The following CAPN14 variants were observed in gnomAD, a reference collection of about 807,000 sequenced individuals.
The protein encoded by CAPN14 is calpain-14.
In CAPN14, 94 loss-of-function variants were observed where a neutral mutation model predicts 101.3. The ratio of observed to expected loss-of-function variants is 0.93; its 90% CI spans 0.79 to 1.10. The LOEUF (loss-of-function observed/expected upper bound fraction) is 1.10, where lower values mean the gene tolerates loss of function less well. CAPN14 is among the 50% of genes least tolerant of loss of function. The probability of loss-of-function intolerance (pLI) is 0.00; values close to 1 mark genes in which losing one functional copy is unlikely to be tolerated. For synonymous variants in CAPN14, 338 were observed against 317.9 expected, an observed-to-expected ratio of 1.06 and a Z score of -0.67; for missense variants, 837 against 828.4, an observed-to-expected ratio of 1.01 and a Z score of -0.13.
chr2:31,177,043 C>G lies in CAPN14; in HGVS notation c.1955G>C (p.Arg652Pro), dbSNP rs375553136. 2 of 1,551,154 alleles carry G rather than the reference C, an allele frequency of 1.3e-6. No individual in the cohort carries two copies. Among genetic ancestry groups the G allele is most frequent in the African/African-American group, 1.4e-5 (1 of 73,060 alleles). The stretch of plus-strand genomic sequence containing the variant: ...CAGCTTACCCTCCATGTTCTCTACA[C>G]GCAGCATCAAGTGGATGAAACTGAC... ...DFVSFIHLML[R>P]VENMEDVFQN... The change falls in exon 20 of 22, where the codon CGT becomes CCT. Residue 652 changes from arginine (R) to proline (P), a missense_variant. Physicochemically the swap from Arg to Pro is moderately radical, Grantham distance 103. Coordinates refer to ENST00000403897, the MANE Select transcript of CAPN14 (RefSeq NM_001145122.2).
At chr2:31,180,737 C>A (rs558454988) in intron 17 of CAPN14, among the ~76,000 whole-genome samples, 199 bp downstream of exon 17, 11 of 152,298 alleles carry the variant, frequency 7.2e-5, no homozygotes, top group Admixed American at 6.5e-4. Context: ...TTTGCATTCC[C>A]ACGTTAATCC....
At chr2:31,184,772 T>C (rs1412180777) in intron 16 of CAPN14, among the ~76,000 whole-genome samples, 1 of 152,250 alleles carries the variant, frequency 6.6e-6, no homozygotes, top group Non-Finnish European at 1.5e-5. Context: ...AACCTCTTGG[T>C]TTCTAGCATT....
At chr2:31,200,944 G>GGCAGAGAGGAGGAGC (rs1681727264) in intron 5 of CAPN14, among the ~76,000 whole-genome samples, 2 of 152,154 alleles carry the variant, frequency 1.3e-5, no homozygotes, top group African/African-American at 2.4e-5. Context: ...ATCTCAACTA[G>GGCAGAGAGGAGGAGC]TGCCTGCTTG....
intron 10 of CAPN14, 41 bp downstream of exon 10, chr2:31,193,090 C>T (rs1431095827): frequency 6.6e-7 from 1 of 1,521,040 alleles, no homozygotes; most frequent in Non-Finnish European, 8.8e-7. Flanking sequence ...CCCCCGCCCA[C>T]AACCTCACCC....
chr2:31,217,608 G>A (rs1243282043), upstream of CAPN14: 4 of 152,268 alleles, frequency 2.6e-5, no homozygotes, highest in African/African-American at 9.7e-5. Context: ...CAGGACCTTG[G>A]TTCCTCCCCA....
At chr2:31,190,892 G>A (rs1473911846) in intron 12 of CAPN14, among the ~76,000 whole-genome samples, 3 of 152,138 alleles carry the variant, frequency 2.0e-5, no homozygotes, top group Admixed American at 1.3e-4. Flanking sequence ...CCCTCCTGGC[G>A]GCCACAGCAG....
chr2:31,231,302 G>T (rs1456410119), intron 1 of CAPN14, among the ~76,000 whole-genome samples: 1 of 151,912 alleles, frequency 6.6e-6, no homozygotes, highest in Admixed American at 6.6e-5. Flanking sequence ...CTCAATTATT[G>T]AATTTATCAA....
intron 2 of CAPN14, 30 bp from the exon 3 acceptor site, chr2:31,203,169 G>T: frequency 6.5e-7 from 1 of 1,543,818 alleles, no homozygotes; most frequent in South Asian, 1.2e-5. Flanking sequence ...TTGTCATTCT[G>T]ACCTAGAACA....
At chr2:31,182,236 T>C (rs533314738) in intron 16 of CAPN14, among the ~76,000 whole-genome samples, 1,656 of 150,908 alleles carry the variant, frequency 0.011, 8 homozygotes, top group South Asian at 0.028. Context: ...TCATACTGAA[T>C]GGGCAAAAAC....
chr2:31,200,613 G>T lies in CAPN14; in HGVS notation c.564C>A (p.Ser188=). Residue 188 remains serine (S), a synonymous_variant, in exon 6 of 22, where the codon TCC becomes TCA. Transcript: ENST00000403897. ...LEKAYAKLSG[S]YEDLQSGQVS... Reference sequence around the variant, plus strand: ...CCTGTCCTGACTGCAAGTCTTCATAGGAACCAGAGAGCCTGGCCAGGGAAG... The same window carrying T: ...CCTGTCCTGACTGCAAGTCTTCATATGAACCAGAGAGCCTGGCCAGGGAAG... The T allele has an allele frequency of 6.5e-7, 1 of 1,547,582 alleles. No homozygotes were observed. Among genetic ancestry groups the T allele is most frequent in the Non-Finnish European group, 8.7e-7 (1 of 1,145,644 alleles).
At chr2:31,191,428 C>CAAAAAAAAAAAA in intron 11 of CAPN14, 21 bp from the exon 12 acceptor site, 5 of 1,426,098 alleles carry the variant, frequency 3.5e-6, no homozygotes, top group African/African-American at 1.6e-5. Context: ...AAAACAAAAA[C>CAAAAAAAAAAAA]AGAAAAAAAA....
rs537922324 is a variant in CAPN14, at chr2:31,230,871, G to A, written c.-177+2920C>T. ...TCATTTTTCAGTTTGTGCTTCTGAC[G>A]TCTTGTTTAAAGAACTCTTCCTGAC... On this transcript the variant is annotated intron_variant and NMD_transcript_variant, in intron 1 of 21. Transcript: ENST00000398824. The surrounding 1 kb of genome is among the most constrained non-coding windows in gnomAD (Gnocchi z 4.3). 5.3e-5 allele frequency among the ~76,000 whole-genome samples: 8 copies of A among 152,166 alleles called. No individual in the cohort carries two copies. The highest frequency in any genetic ancestry group is 2.1e-4 in the South Asian group (1 of 4,822).
intron 12 of CAPN14, among the ~76,000 whole-genome samples, chr2:31,190,307 T>C (rs1034045067): frequency 7.2e-5 from 11 of 152,148 alleles, no homozygotes; most frequent in African/African-American, 2.7e-4. Flanking sequence ...AACAAAGACA[T>C]CACCCATCCA....
chr2:31,219,563 T>C (rs1456047029), upstream of CAPN14, among the ~76,000 whole-genome samples: 1 of 152,194 alleles, frequency 6.6e-6, no homozygotes, highest in Non-Finnish European at 1.5e-5. Context: ...TGGTGAAGCC[T>C]TTCCCAGAAA....
At chr2:31,183,577 C>G (rs959963841) in intron 16 of CAPN14, among the ~76,000 whole-genome samples, 1 of 151,972 alleles carries the variant, frequency 6.6e-6, no homozygotes, top group African/African-American at 2.4e-5. Context: ...CCAAAAAACA[C>G]ATGAAAAAAT....
intron 10 of CAPN14, 131 bp from the exon 11 acceptor site, chr2:31,192,229 G>T (rs1681232049): frequency 3.7e-6 from 4 of 1,072,392 alleles, no homozygotes; most frequent in African/African-American, 3.2e-5. Flanking sequence ...CTGGGACAGA[G>T]TCGGGGTCCC....
At chr2:31,199,154 G>A (rs1037265686) in intron 7 of CAPN14, among the ~76,000 whole-genome samples, 2 of 152,204 alleles carry the variant, frequency 1.3e-5, no homozygotes, top group African/African-American at 4.8e-5. Context: ...ATTTGGGAGG[G>A]AAGAACCAGA....
rs746140880 is a variant in CAPN14, at chr2:31,200,618, C to T, written c.559G>A (p.Gly187Ser). The change falls in exon 6 of 22, where the codon GGT becomes AGT. Residue 187 changes from glycine to serine, a missense_variant. By Grantham distance (56) the Gly-to-Ser change is moderately conservative (BLOSUM62 0). Transcript: ENST00000403897. The part of the protein sequence containing the change: ...LLEKAYAKLS[G>S]SYEDLQSGQV... ...CCTGACTGCAAGTCTTCATAGGAAC[C>T]AGAGAGCCTGGCCAGGGAAGAAATA... The T allele has an allele frequency of 6.5e-7, 1 of 1,545,702 alleles. No homozygotes were observed. Among genetic ancestry groups the T allele is most frequent in the Admixed American group, 2.0e-5 (1 of 49,462 alleles).
Position 31,198,139 on chromosome 2 carries a change from A to T in CAPN14, c.790-805T>A, listed in dbSNP as rs187308307. Among the ~76,000 whole-genome samples, 17 of 152,210 alleles carry T rather than the reference A, an allele frequency of 1.1e-4. No individual in the cohort carries two copies. The East Asian group carries it at 3.1e-3, about 28-fold the overall frequency. ...CCTGCCTCTCATTCTATTCAAAGCCACCCCTCTGCTCACTGAGATAGATGC... is the reference window on the plus strand; with the variant it reads ...CCTGCCTCTCATTCTATTCAAAGCCTCCCCTCTGCTCACTGAGATAGATGC... On this transcript the variant is annotated intron_variant, in intron 7 of 21. Transcript: ENST00000403897.
Sources: gnomAD v4.1 joint callset for allele counts (sites outside exome capture counted in the v4.1 genomes callset) on GRCh38, gnomAD v4.1.1 for gene constraint, Gnocchi (gnomAD v3.1) non-coding constraint, MANE v1.5 for transcripts, NCBI Gene and HGNC (gene_info 2026-07-23, HGNC 2026-07-21) for gene names.